The following GALNT2 variants were observed in gnomAD, a reference collection of about 807,000 sequenced individuals.
GALNT2 encodes UDP-GalNAc:polypeptide N-acetylgalactosaminyltransferase 2.
GALNT2 carries 31 observed loss-of-function variants against 81.4 expected under a neutral mutation model. The observed-to-expected ratio is 0.38, with a 90% confidence interval of 0.29 to 0.51. The LOEUF is 0.51. GALNT2 is among the 20% of genes least tolerant of loss of function. GALNT2 has a pLI of 0.87. For synonymous variants in GALNT2, 303 were observed against 287.4 expected (o/e 1.05, Z -0.55); for missense variants, 629 against 765.7 (o/e 0.82, Z 2.11).
chr1:230,161,458 C>A (rs566169142), intron 1 of GALNT2, among the ~76,000 whole-genome samples: 1 of 152,376 alleles, frequency 6.6e-6, no homozygotes, highest in South Asian at 2.1e-4. Flanking sequence ...CTCCAGCTGT[C>A]TGTGCAGACG....
chr1:230,175,034 G>A (rs1381732610), intron 1 of GALNT2, among the ~76,000 whole-genome samples: 2 of 152,186 alleles, frequency 1.3e-5, no homozygotes, highest in Non-Finnish European at 2.9e-5. Context: ...AGGCCAAGAT[G>A]CCTGGCCCCT....
chr1:230,121,947 G>A (rs1384221192), intron 1 of GALNT2, among the ~76,000 whole-genome samples: 3 of 81,668 alleles, frequency 3.7e-5, no homozygotes, highest in African/African-American at 1.3e-4. Context: ...ATACTGTTAT[G>A]CTTTTTTTTT....
intron 9 of GALNT2, among the ~76,000 whole-genome samples, chr1:230,249,932 A>T (rs909495405): frequency 2.0e-5 from 3 of 152,238 alleles, no homozygotes; most frequent in African/African-American, 7.2e-5. Context: ...TAGGGAGCTC[A>T]GTGTACATCT....
At chr1:230,255,654 C>T (rs189533330) in intron 11 of GALNT2, among the ~76,000 whole-genome samples, 8 of 152,018 alleles carry the variant, frequency 5.3e-5, no homozygotes, top group East Asian at 1.9e-4. Context: ...GGCAGGAAAG[C>T]GGGGAGTGTG....
At chr1:230,190,208 A>G (rs535102836) in intron 2 of GALNT2, among the ~76,000 whole-genome samples, 1 of 152,366 alleles carries the variant, frequency 6.6e-6, no homozygotes, top group South Asian at 2.1e-4. Context: ...AAAAATAAGA[A>G]AATTATATTC....
In GALNT2 at chr1:230,070,218, A is replaced by G. The variant is rs148466118; in HGVS notation, c.126+2812A>G. On this transcript the variant is annotated intron_variant, in intron 1 of 15. Coordinates refer to ENST00000366672, the MANE Select transcript of GALNT2 (RefSeq NM_004481.5). The surrounding 1 kb of genome is among the most constrained non-coding windows in gnomAD (Gnocchi z 4.7). ...TTTATTCAAAATATTGTTTAAAATT[A>G]TGTTTCATTTACATTTGTGTCCATA... is the stretch of plus-strand genomic sequence containing the variant. Among the ~76,000 whole-genome samples the G allele has an allele frequency of 1.1e-4, 16 of 152,256 alleles. No homozygotes were observed. Among genetic ancestry groups the G allele is most frequent in the Non-Finnish European group, 1.8e-4 (12 of 68,010 alleles).
intron 1 of GALNT2, among the ~76,000 whole-genome samples, chr1:230,123,569 C>T (rs185984703): frequency 2.0e-5 from 3 of 152,224 alleles, no homozygotes; most frequent in East Asian, 3.9e-4. Context: ...CTCTGAGAGC[C>T]GACTCCACCT....
intron 1 of GALNT2, among the ~76,000 whole-genome samples, chr1:230,083,079 G>A (rs1659788285): frequency 6.6e-6 from 1 of 151,012 alleles, no homozygotes; most frequent in Non-Finnish European, 1.5e-5. Flanking sequence ...CCGGGATGAT[G>A]GAGCAGGGAA....
intron 3 of GALNT2, among the ~76,000 whole-genome samples, chr1:230,235,391 G>T (rs1248133018): frequency 2.6e-5 from 4 of 152,124 alleles, no homozygotes; most frequent in African/African-American, 4.8e-5. Flanking sequence ...TGGAAGAGGA[G>T]AGCTCAGGCA....
chr1:230,093,752 ATTATG>A (rs1460186203), intron 1 of GALNT2, among the ~76,000 whole-genome samples: 1 of 152,228 alleles, frequency 6.6e-6, no homozygotes, highest in Admixed American at 6.5e-5. Context: ...CACAAATACT[ATTATG>A]TTATAGTTGC....
intron 1 of GALNT2, among the ~76,000 whole-genome samples, chr1:230,113,870 A>G (rs1660769964): frequency 6.6e-6 from 1 of 151,808 alleles, no homozygotes; most frequent in Non-Finnish European, 1.5e-5. Flanking sequence ...CTGTGACTCA[A>G]TGGCTGTGGC....
At chr1:230,159,711 C>T (rs750517138) in intron 1 of GALNT2, among the ~76,000 whole-genome samples, 9 of 152,250 alleles carry the variant, frequency 5.9e-5, no homozygotes, top group Non-Finnish European at 1.3e-4. Context: ...CTGCATGTCT[C>T]ATGCAGGCCA....
Position 230,281,328 on chromosome 1 carries a change from C to G in GALNT2, c.*1870C>G, listed in dbSNP as rs1385791980. 2 of 152,118 alleles carry G rather than the reference C, an allele frequency of 1.3e-5. No homozygotes were observed. The highest frequency in any genetic ancestry group is 3.9e-4 in the East Asian group (2 of 5,156). The allele number at this position is 152,118 out of a possible 1,614,324, so 9.4% of individuals were successfully genotyped here. On this transcript the variant is annotated 3_prime_UTR_variant, in exon 16 of 16. Coordinates refer to ENST00000366672, the MANE Select transcript of GALNT2 (RefSeq NM_004481.5). ...ATGTGTTGTGAGTGGGCAGCGTGCC[C>G]CCACGCTGGAGTAACTCCGCACGCT...
intron 1 of GALNT2, among the ~76,000 whole-genome samples, chr1:230,150,910 A>G (rs762203707): frequency 6.6e-6 from 1 of 152,054 alleles, no homozygotes; most frequent in Admixed American, 6.6e-5. Context: ...TAAGGAATCT[A>G]TTTTCCCAGT....
chr1:230,085,851 G>T (rs1416499135), intron 1 of GALNT2, among the ~76,000 whole-genome samples: 1 of 152,226 alleles, frequency 6.6e-6, no homozygotes, highest in Admixed American at 6.5e-5. Context: ...ACTGACTTCT[G>T]GTGTAGACGT....
intron 1 of GALNT2, among the ~76,000 whole-genome samples, chr1:230,167,295 A>G (rs1161004258): frequency 1.3e-5 from 2 of 152,064 alleles, no homozygotes; most frequent in African/African-American, 4.8e-5. Flanking sequence ...ACAGCTGTGC[A>G]TCCCCACACC....
chr1:230,278,685 A>G (rs1666359713), intron 15 of GALNT2, among the ~76,000 whole-genome samples: 1 of 152,210 alleles, frequency 6.6e-6, no homozygotes, highest in Non-Finnish European at 1.5e-5. Context: ...TCTCATATCC[A>G]CCAAGGAGCT....
At chr1:230,186,067 T>C (rs1663325797) in intron 2 of GALNT2, among the ~76,000 whole-genome samples, 1 of 152,234 alleles carries the variant, frequency 6.6e-6, no homozygotes, top group African/African-American at 2.4e-5. Context: ...TTTATTCAGC[T>C]TTTTACTGTT....
chr1:230,258,080 A>G (rs1253056354), intron 11 of GALNT2, among the ~76,000 whole-genome samples: 1 of 151,542 alleles, frequency 6.6e-6, no homozygotes, highest in Non-Finnish European at 1.5e-5. Flanking sequence ...ATGCCCGGCT[A>G]ATTTTTGTAT....
Sources: gnomAD v4.1 joint callset for allele counts (sites outside exome capture counted in the v4.1 genomes callset) on GRCh38, gnomAD v4.1.1 for gene constraint, Gnocchi (gnomAD v3.1) non-coding constraint, MANE v1.5 for transcripts, NCBI Gene and HGNC (gene_info 2026-07-23, HGNC 2026-07-21) for gene names.